Variants in CFAP221 observed in about 807,000 individuals in gnomAD.
CFAP221 encodes cilia and flagella associated protein 221.
In CFAP221, 97 loss-of-function variants were observed where a neutral mutation model predicts 113.1. That is an observed-to-expected ratio of 0.86 (90% confidence interval 0.73 to 1.02). CFAP221 has a LOEUF of 1.02. CFAP221 is among the 50% of genes least tolerant of loss of function. The probability of loss-of-function intolerance (pLI) is 0.00; values close to 1 mark genes in which losing one functional copy is unlikely to be tolerated. For missense variants in CFAP221, 1,025 were observed against 1,013.4 expected (o/e 1.01, Z -0.16); for synonymous variants, 331 against 354.4 (o/e 0.93, Z 0.74).
intron 19 of CFAP221, among the ~76,000 whole-genome samples, chr2:119,631,750 T>C (rs1383675472): frequency 6.6e-6 from 1 of 151,974 alleles, no homozygotes; most frequent in Non-Finnish European, 1.5e-5. Flanking sequence ...ATCAATAAAA[T>C]GAATAAACCT....
chr2:119,640,752 T>A (rs1687435479), intron 21 of CFAP221, among the ~76,000 whole-genome samples: 1 of 151,962 alleles, frequency 6.6e-6, no homozygotes, highest in Non-Finnish European at 1.5e-5. Context: ...CCAACCAAGA[T>A]CAGTAGGTGA....
intron 21 of CFAP221, among the ~76,000 whole-genome samples, chr2:119,641,851 G>C (rs1252003072): frequency 1.3e-5 from 2 of 152,210 alleles, no homozygotes; most frequent in Non-Finnish European, 2.9e-5. Flanking sequence ...AACCGGGTCT[G>C]GGGTGCTGTC....
chr2:119,560,779 T>A (rs1681188538), intron 5 of CFAP221, among the ~76,000 whole-genome samples: 1 of 152,188 alleles, frequency 6.6e-6, no homozygotes, highest in Non-Finnish European at 1.5e-5. Flanking sequence ...TGAAAGCATT[T>A]CACTTTTTCT....
chr2:119,603,911 A>G (rs1406256496), intron 8 of CFAP221, among the ~76,000 whole-genome samples: 2 of 152,196 alleles, frequency 1.3e-5, no homozygotes, highest in Non-Finnish European at 2.9e-5. Flanking sequence ...TAGCTGCACT[A>G]CCTCTAACTA....
chr2:119,545,453 G>A (rs974041568), intron 1 of CFAP221, among the ~76,000 whole-genome samples: 1 of 152,212 alleles, frequency 6.6e-6, no homozygotes, highest in African/African-American at 2.4e-5. Context: ...AGTGTGTTAA[G>A]GGAAGGCAAA....
intron 6 of CFAP221, among the ~76,000 whole-genome samples, chr2:119,569,555 T>C (rs1266050541): frequency 1.3e-5 from 2 of 152,144 alleles, no homozygotes; most frequent in African/African-American, 4.8e-5. Context: ...TTATGGAAAT[T>C]ATTAGGCATT....
At chr2:119,626,494 C>T (rs747487542) in intron 15 of CFAP221, among the ~76,000 whole-genome samples, 20 of 152,048 alleles carry the variant, frequency 1.3e-4, no homozygotes, top group Non-Finnish European at 1.5e-5. Flanking sequence ...TGTTTTGTGC[C>T]CTCTGCTTCT....
chr2:119,641,871 A>T (rs1254949923), intron 21 of CFAP221, among the ~76,000 whole-genome samples: 1 of 152,186 alleles, frequency 6.6e-6, no homozygotes, highest in Non-Finnish European at 1.5e-5. Context: ...CAGCACACTG[A>T]ATAAGAAAAA....
intron 7 of CFAP221, among the ~76,000 whole-genome samples, chr2:119,597,725 G>T (rs1468267790): frequency 1.3e-5 from 2 of 152,182 alleles, no homozygotes; most frequent in South Asian, 2.1e-4. Context: ...CTCTGTTATA[G>T]AATTTTCTGG....
chr2:119,573,863 C>A (rs1280816184), intron 6 of CFAP221, among the ~76,000 whole-genome samples: 1 of 152,170 alleles, frequency 6.6e-6, no homozygotes, highest in Non-Finnish European at 1.5e-5. Context: ...AAAAGAAAAT[C>A]ATCCAACCTC....
chr2:119,581,968 A>G (rs1173910751), intron 6 of CFAP221, among the ~76,000 whole-genome samples: 1 of 152,160 alleles, frequency 6.6e-6, no homozygotes, highest in African/African-American at 2.4e-5. Context: ...GAAAAGAGTG[A>G]TAATCTACAA....
chr2:119,556,020 TTTG>T (rs1412297102), intron 3 of CFAP221: 8 of 152,334 alleles, frequency 5.3e-5, no homozygotes, highest in Non-Finnish European at 1.0e-4. Context: ...TTTGTCATGT[TTTG>T]TTGTTGTTTT....
chr2:119,567,367 T>G (rs1419128171), intron 6 of CFAP221, among the ~76,000 whole-genome samples: 1 of 152,220 alleles, frequency 6.6e-6, no homozygotes, highest in Non-Finnish European at 1.5e-5. Context: ...TGGAATCATA[T>G]AGTATTTAGT....
intron 6 of CFAP221, chr2:119,572,673 C>G (rs1206252194): frequency 2.7e-5 from 17 of 639,202 alleles, no homozygotes; most frequent in Middle Eastern, 2.4e-4. Context: ...TTAGCGTGCT[C>G]TAGACAAACC....
chr2:119,547,745 A>G (rs1680151968), intron 2 of CFAP221, among the ~76,000 whole-genome samples: 1 of 152,180 alleles, frequency 6.6e-6, no homozygotes, highest in Admixed American at 6.5e-5. Context: ...GTGACAGCTC[A>G]CCTGGTGAGA....
chr2:119,597,723 T>C (rs550011686), intron 7 of CFAP221, among the ~76,000 whole-genome samples: 8 of 152,334 alleles, frequency 5.3e-5, no homozygotes, highest in Admixed American at 3.3e-4. Flanking sequence ...AGCTCTGTTA[T>C]AGAATTTTCT....
chr2:119,601,007 T>G (rs1684326004), intron 7 of CFAP221, among the ~76,000 whole-genome samples: 1 of 152,248 alleles, frequency 6.6e-6, no homozygotes, highest in African/African-American at 2.4e-5. Flanking sequence ...GTTAATTGAC[T>G]GTTTATGTTA....
chr2:119,655,429 C>T (rs899105918), intron 23 of CFAP221, among the ~76,000 whole-genome samples: 1 of 152,154 alleles, frequency 6.6e-6, no homozygotes, highest in Admixed American at 6.5e-5. Flanking sequence ...TAATTATGTG[C>T]ATTAGGGAAC....
chr2:119,579,901 A>G (rs961262740), intron 6 of CFAP221, among the ~76,000 whole-genome samples: 16 of 152,320 alleles, frequency 1.1e-4, no homozygotes, highest in African/African-American at 3.6e-4. Flanking sequence ...AGCTTTGAGC[A>G]GACTCCTGGG....
Sources: allele counts gnomAD v4.1 joint callset (sites outside exome capture counted in the v4.1 genomes callset), GRCh38; gene constraint gnomAD v4.1.1; transcripts MANE v1.5; gene names NCBI Gene and HGNC (gene_info 2026-07-23, HGNC 2026-07-21).